STRN3: variants seen among roughly 807,000 people sequenced by gnomAD.
STRN3 encodes striatin 3.
Under a neutral mutation model 95.6 loss-of-function variants are expected in STRN3, and 29 were observed. That is an observed-to-expected ratio of 0.30 (90% CI 0.23 to 0.41). The LOEUF (loss-of-function observed/expected upper bound fraction) is 0.41. Ranked by LOEUF, STRN3 falls within the 10% of genes least tolerant of loss-of-function variation. The pLI is 1.00. For synonymous variants in STRN3, 331 were observed against 357.6 expected (o/e 0.93, Z 0.84); for missense variants, 890 against 972.1 (o/e 0.92, Z 1.12).
At position 30,958,867 on chromosome 14, in the gene STRN3, T is replaced by G. The variant is rs547098949; in HGVS notation, c.283-2625A>C. Among the ~76,000 whole-genome samples, 22 of 152,328 alleles carry G rather than the reference T, an allele frequency of 1.4e-4. 2 individuals carry two copies. The highest frequency in any genetic ancestry group is 1.3e-3 in the Admixed American group (20 of 15,290). ...ATTTCCTTTTTTTGAATTTTTGTAT[T>G]ACCAACTATCCACACTTAGACAATC... On this transcript the variant is annotated intron_variant, in intron 1 of 17. Transcript: ENST00000357479.
intron 1 of STRN3, among the ~76,000 whole-genome samples, chr14:30,994,931 C>T (rs545417463): frequency 6.6e-6 from 1 of 152,354 alleles, no homozygotes; most frequent in East Asian, 1.9e-4. Context: ...ACAGTATTTA[C>T]TTGGCATCAC....
intron 5 of STRN3, among the ~76,000 whole-genome samples, chr14:30,943,702 T>C (rs1370390891): frequency 1.3e-5 from 2 of 152,242 alleles, no homozygotes; most frequent in African/African-American, 2.4e-5. Flanking sequence ...TCGTTGGTTA[T>C]GAAAAGAAGG....
chr14:30,917,271 T>C (rs1896763941), intron 9 of STRN3, among the ~76,000 whole-genome samples: 1 of 152,212 alleles, frequency 6.6e-6, no homozygotes, highest in Admixed American at 6.5e-5. Flanking sequence ...AACAGATCAC[T>C]GACCTATATT....
At chr14:30,901,286 A>T (rs1245664119) in intron 16 of STRN3, among the ~76,000 whole-genome samples, 3 of 152,062 alleles carry the variant, frequency 2.0e-5, no homozygotes, top group East Asian at 3.9e-4. Context: ...ATAAAAAAAA[A>T]AAAAAATTTA....
At chr14:30,987,748 T>A (rs1881765368) in intron 1 of STRN3, among the ~76,000 whole-genome samples, 1 of 151,928 alleles carries the variant, frequency 6.6e-6, no homozygotes, top group African/African-American at 2.4e-5. Flanking sequence ...ATAATTTTTT[T>A]TTTTTTTGAG....
At chr14:31,002,190 A>AAAAAAAC (rs1235075388) in intron 1 of STRN3, among the ~76,000 whole-genome samples, 1 of 54,868 alleles carries the variant, frequency 1.8e-5, no homozygotes, top group Non-Finnish European at 3.6e-5. Context: ...AAAAAAAAAC[A>AAAAAAAC]AGGCCAGGCG....
chr14:30,956,556 G>A (rs1879915004), intron 1 of STRN3, among the ~76,000 whole-genome samples: 1 of 152,024 alleles, frequency 6.6e-6, no homozygotes, highest in Admixed American at 6.6e-5. Context: ...CGAGGCTGAG[G>A]AGACTCTGTC....
chr14:30,991,704 G>T (rs1012088972), intron 1 of STRN3, among the ~76,000 whole-genome samples: 5 of 152,050 alleles, frequency 3.3e-5, no homozygotes, highest in Admixed American at 6.6e-5. Flanking sequence ...TGTGTGTTTG[G>T]GGGTGAGGGT....
At chr14:30,992,140 T>C (rs1398749369) in intron 1 of STRN3, among the ~76,000 whole-genome samples, 1 of 152,066 alleles carries the variant, frequency 6.6e-6, no homozygotes, top group African/African-American at 2.4e-5. Context: ...CCGGGTGCAG[T>C]GGCTCATGCC....
At chr14:30,902,445 C>T (rs573951314) in intron 16 of STRN3, 91 bp downstream of exon 16, 5 of 839,694 alleles carry the variant, frequency 6.0e-6, no homozygotes, top group Middle Eastern at 2.9e-4. Context: ...AATTTCGTAT[C>T]TGAAAAGTCA....
chr14:30,904,234 A>G (rs982233762), intron 15 of STRN3, among the ~76,000 whole-genome samples: 1 of 152,220 alleles, frequency 6.6e-6, no homozygotes, highest in African/African-American at 2.4e-5. Flanking sequence ...GTCATATGTC[A>G]TATCAGGAAG....
chr14:30,991,362 T>G (rs1881945562), intron 1 of STRN3, among the ~76,000 whole-genome samples: 1 of 152,120 alleles, frequency 6.6e-6, no homozygotes, highest in African/African-American at 2.4e-5. Flanking sequence ...TGGGGTACAA[T>G]CATACATAGG....
chr14:30,895,341 T>C lies in STRN3; in HGVS notation c.*70A>G. On this transcript the variant is annotated 3_prime_UTR_variant, in exon 18 of 18. Transcript: ENST00000357479. ...ACATGTAGTGTCATATCAGTAACCT[T>C]TCTGATGGCAGTGATGCAGACCCTC... 1 of 1,473,486 alleles carries C rather than the reference T, an allele frequency of 6.8e-7. No homozygotes were observed. The highest frequency in any genetic ancestry group is 9.0e-7 in the Non-Finnish European group (1 of 1,105,014). The allele number at this position is 1,473,486 out of a possible 1,614,324, so 91.3% of individuals were successfully genotyped here.
At chr14:30,910,560 A>G (rs1299127899) in intron 13 of STRN3, among the ~76,000 whole-genome samples, 1 of 152,046 alleles carries the variant, frequency 6.6e-6, no homozygotes, top group Non-Finnish European at 1.5e-5. Context: ...TGCAAGTCAA[A>G]GGAGGTTTCC....
At chr14:30,991,179 A>C (rs935011339) in intron 1 of STRN3, among the ~76,000 whole-genome samples, 2 of 152,170 alleles carry the variant, frequency 1.3e-5, no homozygotes, top group African/African-American at 2.4e-5. Flanking sequence ...TACTATTAAG[A>C]GGTCATGTGG....
At chr14:30,975,961 C>G (rs547444125) in intron 1 of STRN3, among the ~76,000 whole-genome samples, 46 of 151,044 alleles carry the variant, frequency 3.0e-4, no homozygotes, top group African/African-American at 9.2e-4. Flanking sequence ...AGAGAAAATG[C>G]AGTCATATAA....
intron 1 of STRN3, among the ~76,000 whole-genome samples, chr14:30,963,583 A>AT (rs1262006210): frequency 6.6e-6 from 1 of 151,892 alleles, no homozygotes; most frequent in Non-Finnish European, 1.5e-5. Flanking sequence ...TAATTTTTGT[A>AT]TTTTTTGGTA....
intron 3 of STRN3, among the ~76,000 whole-genome samples, chr14:30,952,681 T>C (rs569471653): frequency 3.3e-5 from 5 of 152,008 alleles, no homozygotes; most frequent in East Asian, 3.9e-4. Flanking sequence ...GCCTGGGCAA[T>C]AGAGCAAGAC....
intron 5 of STRN3, among the ~76,000 whole-genome samples, chr14:30,941,491 T>C (rs1037735709): frequency 1.1e-4 from 17 of 152,280 alleles, no homozygotes; most frequent in African/African-American, 3.1e-4. Context: ...AATAACCCCA[T>C]CTTTCAGTTG....
Sources: gnomAD v4.1 joint callset for allele counts (sites outside exome capture counted in the v4.1 genomes callset) on GRCh38, gnomAD v4.1.1 for gene constraint, MANE v1.5 for transcripts, NCBI Gene and HGNC (gene_info 2026-07-23, HGNC 2026-07-21) for gene names.